Variants in ARL14EPL observed in about 807,000 individuals in gnomAD.
ARL14EPL encodes ARF like GTPase 14 effector protein like.
In ARL14EPL, 17 loss-of-function variants were observed where a neutral mutation model predicts 15.9. That is an observed-to-expected ratio of 1.07 (90% CI 0.73 to 1.60). The LOEUF (loss-of-function observed/expected upper bound fraction) is 1.60, where lower values mean the gene tolerates loss of function less well. ARL14EPL is among the 40% of genes most tolerant of loss of function. The pLI, the probability that ARL14EPL is intolerant of heterozygous loss-of-function variation, is 0.00. For missense variants in ARL14EPL, 214 were observed against 185.9 expected, an observed-to-expected ratio of 1.15 and a Z score of -0.88; for synonymous variants, 78 against 63.8, an observed-to-expected ratio of 1.22 and a Z score of -1.06.
chr5:116,038,636 T>C lies in ARL14EPL; in HGVS notation c.-10+6131T>C, dbSNP rs938133263. 2.1e-5 allele frequency among the ~76,000 whole-genome samples: 3 copies of C among 144,798 alleles called. No homozygotes were observed. In the Admixed American group the frequency reaches 2.2e-4, roughly 11 times the overall value. The allele number at this position is 144,798 out of a possible 152,430, so 95.0% of individuals were successfully genotyped here. On this transcript the variant is annotated intron_variant, in intron 1 of 3. Transcript: ENST00000686077. Reference sequence around the variant, plus strand: ...AAGGAGAATAACTTCAGTAGCGAAGTGTGGAGATTAAAAAGACTCAAGGCA... The same window carrying C: ...AAGGAGAATAACTTCAGTAGCGAAGCGTGGAGATTAAAAAGACTCAAGGCA...
intron 2 of ARL14EPL, chr5:116,052,294 C>G: frequency 7.4e-7 from 1 of 1,357,886 alleles, no homozygotes; most frequent in Non-Finnish European, 1.1e-6. Flanking sequence ...TTGCGAAGCT[C>G]GGAGAGTAGC....
intron 3 of ARL14EPL, among the ~76,000 whole-genome samples, chr5:116,058,069 C>T (rs917007621): frequency 6.6e-6 from 1 of 152,214 alleles, no homozygotes; most frequent in Non-Finnish European, 1.5e-5. Context: ...TCCTCTGGGA[C>T]AGAGCATCCC....
At chr5:116,047,052 A>G (rs546942434) in intron 1 of ARL14EPL, among the ~76,000 whole-genome samples, 1 of 152,310 alleles carries the variant, frequency 6.6e-6, no homozygotes, top group East Asian at 1.9e-4. Context: ...AGCTGACTCA[A>G]TTGGCACCTT....
chr5:116,035,293 G>A (rs963917504), intron 1 of ARL14EPL, among the ~76,000 whole-genome samples: 1 of 152,182 alleles, frequency 6.6e-6, no homozygotes, highest in Non-Finnish European at 1.5e-5. Flanking sequence ...CACTTGGTCC[G>A]CGAGGACACT....
In ARL14EPL at chr5:116,051,649, T is replaced by G. The variant is rs554753905; in HGVS notation, c.96+88T>G. On this transcript the variant is annotated intron_variant, in intron 2 of 3. Transcript: ENST00000686077. The stretch of plus-strand genomic sequence containing the variant: ...ATGCCCATGGATGTGGGTGGGAAGG[T>G]GGGCCCAGGCAGGACCTCACAGGGA... 3 of 1,175,996 alleles carry G rather than the reference T, an allele frequency of 2.6e-6. No individual in the cohort carries two copies. The African/African-American group carries it at 4.6e-5, about 18-fold the overall frequency. 72.8% of individuals were successfully genotyped at this position (1,175,996 alleles called of 1,614,324 possible).
At position 116,058,928 on chromosome 5, in the gene ARL14EPL, C is replaced by T. The variant is rs762817608; in HGVS notation, c.440C>T (p.Pro147Leu). 72 of 1,535,902 alleles carry T rather than the reference C, an allele frequency of 4.7e-5. No homozygotes were observed. The Middle Eastern group carries it at 5.0e-4, about 11-fold the overall frequency. ...TESGEVISTL[P>L]FNVPD The stretch of plus-strand genomic sequence containing the variant: ...TCAGGAGAGGTCATCAGCACGCTGC[C>T]GTTTAATGTTCCTGACTAGGTGCTC... The change falls in exon 4 of 4, where the codon CCG (proline) becomes CTG (leucine). Residue 147 changes from proline (P) to leucine (L), a missense_variant. By Grantham distance (98) the Pro-to-Leu change is moderately conservative. Coordinates refer to ENST00000686077, the MANE Select transcript of ARL14EPL (RefSeq NM_001195581.2).
intron 1 of ARL14EPL, among the ~76,000 whole-genome samples, chr5:116,050,134 A>G (rs1298427435): frequency 2.0e-5 from 3 of 152,212 alleles, no homozygotes; most frequent in Non-Finnish European, 4.4e-5. Flanking sequence ...TTTTAAAAGA[A>G]TGTGAATATT....
Position 116,054,169 on chromosome 5 carries a change from A to T in ARL14EPL, c.236+16A>T. 1 of 1,530,468 alleles carries T rather than the reference A, an allele frequency of 6.5e-7. No individual in the cohort carries two copies. The highest frequency in any genetic ancestry group is 8.7e-7 in the Non-Finnish European group (1 of 1,143,298). The allele number at this position is 1,530,468 out of a possible 1,614,324, so 94.8% of individuals were successfully genotyped here. A position where few individuals can be genotyped will look rare whatever the true frequency, so the allele number is the denominator to read the frequency against. On this transcript the variant is annotated intron_variant, in intron 3 of 3. Coordinates refer to ENST00000686077, the MANE Select transcript of ARL14EPL (RefSeq NM_001195581.2). ...CCAAATACAAGTAAGATTCTGACTTATTGTATTTGATCTGTGGGATTATGA... is the reference window on the plus strand; with the variant it reads ...CCAAATACAAGTAAGATTCTGACTTTTTGTATTTGATCTGTGGGATTATGA...
At chr5:116,057,224 A>G (rs943902842) in intron 3 of ARL14EPL, among the ~76,000 whole-genome samples, 2 of 152,226 alleles carry the variant, frequency 1.3e-5, no homozygotes, top group African/African-American at 4.8e-5. Flanking sequence ...AGTGACTTTT[A>G]TAACATCAAG....
intron 1 of ARL14EPL, among the ~76,000 whole-genome samples, chr5:116,035,168 G>A (rs1269470948): frequency 1.3e-5 from 2 of 152,060 alleles, no homozygotes. Context: ...TGCCTTAGAA[G>A]TTTTCTGGTT....
intron 1 of ARL14EPL, among the ~76,000 whole-genome samples, chr5:116,035,971 C>A (rs1337162640): frequency 6.6e-6 from 1 of 152,244 alleles, no homozygotes; most frequent in African/African-American, 2.4e-5. Context: ...CACCTTCTTT[C>A]TCTTCCAACC....
intron 1 of ARL14EPL, among the ~76,000 whole-genome samples, chr5:116,047,436 C>T (rs1354601182): frequency 1.3e-5 from 2 of 152,352 alleles, no homozygotes; most frequent in Admixed American, 1.3e-4. Flanking sequence ...GACATCCAAA[C>T]CCATGCATCC....
intron 1 of ARL14EPL, among the ~76,000 whole-genome samples, chr5:116,046,645 G>A (rs999097671): frequency 6.6e-6 from 1 of 152,294 alleles, no homozygotes. Context: ...TGGCTCCTAT[G>A]TATAAGCCAG....
chr5:116,045,303 G>C (rs1341182690), intron 1 of ARL14EPL, among the ~76,000 whole-genome samples: 3 of 152,202 alleles, frequency 2.0e-5, no homozygotes, highest in Non-Finnish European at 4.4e-5. Flanking sequence ...TTTGAGGTGA[G>C]TGCTTTTGAA....
Position 116,054,124 on chromosome 5 carries a change from G to A in ARL14EPL, c.207G>A (p.Lys69=). ...AGAAAAAGAAAGCCCGGATGTCAAA[G>A]ATGAATGAATATTTTTCTACCAAAT... ...RQQKKKARMS[K]MNEYFSTKYK... The change falls in exon 3 of 4, where the codon AAG becomes AAA. Residue 69 remains lysine (K), a synonymous_variant. Coordinates refer to ENST00000686077, the MANE Select transcript of ARL14EPL (RefSeq NM_001195581.2). 2 of 1,535,510 alleles carry A rather than the reference G, an allele frequency of 1.3e-6. No homozygotes were observed. The highest frequency in any genetic ancestry group is 1.2e-5 in the South Asian group (1 of 83,964).
chr5:116,053,971 A>C, intron 2 of ARL14EPL, 43 bp from the exon 3 acceptor site: 1 of 1,469,684 alleles, frequency 6.8e-7, no homozygotes, highest in Non-Finnish European at 9.0e-7. Flanking sequence ...AAACAGATAA[A>C]ACTATCTGGT....
intron 2 of ARL14EPL, chr5:116,052,310 A>T: frequency 8.6e-7 from 1 of 1,158,644 alleles, no homozygotes; most frequent in Middle Eastern, 2.0e-4. Context: ...GTAGCAGCAG[A>T]CACCGCAGCC....
intron 3 of ARL14EPL, among the ~76,000 whole-genome samples, 155 bp downstream of exon 3, chr5:116,054,308 C>T (rs1005640013): frequency 1.2e-4 from 19 of 152,032 alleles, no homozygotes; most frequent in African/African-American, 3.4e-4. Flanking sequence ...ACGTTAGCAA[C>T]CTTAAGAAAC....
Position 116,044,177 on chromosome 5 carries a change from T to C in ARL14EPL, c.-9-7280T>C, listed in dbSNP as rs76808999. Among the ~76,000 whole-genome samples, 1,636 of 152,312 alleles carry C rather than the reference T, an allele frequency of 0.011. 56 individuals are homozygous for C. The East Asian group carries it at 0.13, about 12-fold the overall frequency. On this transcript the variant is annotated intron_variant, in intron 1 of 3. Coordinates refer to ENST00000686077, the MANE Select transcript of ARL14EPL (RefSeq NM_001195581.2). ...CCAGATGGGTTGCAAGCTCTTATAA[T>C]TGAAGATTTTGTTTCCTTTCCTTGT... is the stretch of plus-strand genomic sequence containing the variant.
Sources: allele counts gnomAD v4.1 joint callset (sites outside exome capture counted in the v4.1 genomes callset), GRCh38; gene constraint gnomAD v4.1.1; transcripts MANE v1.5; gene names NCBI Gene and HGNC (gene_info 2026-07-23, HGNC 2026-07-21).